The following CNTN5 variants were observed in gnomAD, a reference collection of about 807,000 sequenced individuals.
CNTN5 encodes contactin 5.
In CNTN5, 77 loss-of-function variants were observed where a neutral mutation model predicts 129.1. The ratio of observed to expected loss-of-function variants is 0.60; its 90% CI spans 0.50 to 0.72. CNTN5 has a LOEUF of 0.72. Ranked by LOEUF, CNTN5 falls within the 30% of genes least tolerant of loss-of-function variation. The pLI, the probability that CNTN5 is intolerant of heterozygous loss-of-function variation, is 0.00. For missense variants in CNTN5, 1,478 were observed against 1,328.8 expected (o/e 1.11, Z -1.75); for synonymous variants, 509 against 465.6 (o/e 1.09, Z -1.20).
chr11:99,692,596 G>A (rs925474432), intron 3 of CNTN5, among the ~76,000 whole-genome samples: 4 of 151,984 alleles, frequency 2.6e-5, no homozygotes, highest in Admixed American at 2.6e-4. Context: ...TCCACTGAGA[G>A]GTCCACTGTT....
intron 2 of CNTN5, among the ~76,000 whole-genome samples, chr11:99,515,535 G>A (rs941164130): frequency 1.3e-5 from 2 of 151,892 alleles, no homozygotes; most frequent in South Asian, 4.2e-4. Context: ...TATAATAAGA[G>A]GTAATTATTA....
intron 3 of CNTN5, among the ~76,000 whole-genome samples, chr11:99,735,222 A>AAAAC (rs60172683): frequency 0.67 from 100,933 of 151,562 alleles, 34,642 homozygotes; most frequent in East Asian, 0.93. Context: ...TATCTCCTGA[A>AAAAC]AATCCCAATG....
intron 6 of CNTN5, among the ~76,000 whole-genome samples, chr11:99,889,326 G>GTGTGTGTT (rs1948991635): frequency 3.2e-4 from 6 of 18,914 alleles, no homozygotes; most frequent in African/African-American, 5.7e-4. Context: ...GTGTGTGTGT[G>GTGTGTGTT]TGTGTGTGTG....
intron 3 of CNTN5, among the ~76,000 whole-genome samples, chr11:99,641,811 A>C (rs1191454669): frequency 6.6e-6 from 1 of 151,986 alleles, no homozygotes; most frequent in African/African-American, 2.4e-5. Flanking sequence ...AACTTTTCCA[A>C]CCCTGCTCAA....
At chr11:99,463,844 C>T (rs192025920) in intron 2 of CNTN5, among the ~76,000 whole-genome samples, 3 of 152,212 alleles carry the variant, frequency 2.0e-5, no homozygotes, top group Admixed American at 6.5e-5. Flanking sequence ...TTTATGCTTC[C>T]TCTATTCAGA....
intron 24 of CNTN5, 130 bp downstream of exon 24, chr11:100,351,000 A>G: frequency 1.6e-6 from 1 of 641,032 alleles, no homozygotes; most frequent in East Asian, 2.8e-5. Context: ...TCTGATTTTT[A>G]TATTATCTTC....
intron 1 of CNTN5, among the ~76,000 whole-genome samples, chr11:99,307,429 A>C (rs1414279067): frequency 6.6e-6 from 1 of 152,212 alleles, no homozygotes; most frequent in Non-Finnish European, 1.5e-5. Flanking sequence ...CCTGGTGAAC[A>C]GTCTAAAGAA....
intron 1 of CNTN5, among the ~76,000 whole-genome samples, chr11:99,309,094 T>A (rs538863301): frequency 1.3e-5 from 2 of 152,156 alleles, no homozygotes; most frequent in Non-Finnish European, 2.9e-5. Flanking sequence ...TGAAATTATT[T>A]TCTGCTAACT....
intron 1 of CNTN5, among the ~76,000 whole-genome samples, chr11:99,042,403 C>T (rs1344156542): frequency 1.8e-5 from 2 of 110,134 alleles, no homozygotes; most frequent in Non-Finnish European, 3.4e-5. Context: ...GAGACAGAGT[C>T]TCTCTCTGTC....
At chr11:99,555,730 C>T (rs770541183) in intron 2 of CNTN5, among the ~76,000 whole-genome samples, 1 of 151,758 alleles carries the variant, frequency 6.6e-6, no homozygotes, top group African/African-American at 2.4e-5. Context: ...ATCACTTGGC[C>T]AACCGATCAT....
intron 2 of CNTN5, among the ~76,000 whole-genome samples, chr11:99,348,639 A>C (rs924287994): frequency 5.9e-5 from 9 of 152,174 alleles, no homozygotes; most frequent in African/African-American, 2.2e-4. Context: ...GATCCTTCAG[A>C]TCCATCTACC....
intron 3 of CNTN5, among the ~76,000 whole-genome samples, chr11:99,576,140 C>T (rs531061031): frequency 2.2e-4 from 33 of 152,222 alleles, no homozygotes; most frequent in Middle Eastern, 6.8e-3. Flanking sequence ...CCACAGGTTC[C>T]GAAGCACCAC....
chr11:99,390,127 A>T (rs1427775978), intron 2 of CNTN5, among the ~76,000 whole-genome samples: 1 of 112,750 alleles, frequency 8.9e-6, no homozygotes, highest in Non-Finnish European at 1.9e-5. Context: ...AAAATAAAAT[A>T]AGCCTTTTTT....
chr11:99,595,759 C>CAT (rs34266877), intron 3 of CNTN5, among the ~76,000 whole-genome samples: 97,143 of 149,398 alleles, frequency 0.65, 31,404 homozygotes, highest in East Asian at 0.77. Context: ...CTCCTTCTGC[C>CAT]ATATATATAT....
chr11:100,007,518 T>G (rs1940270025), intron 9 of CNTN5, among the ~76,000 whole-genome samples: 1 of 152,138 alleles, frequency 6.6e-6, no homozygotes, highest in South Asian at 2.1e-4. Flanking sequence ...CACTTTAATG[T>G]TATAAAGATA....
intron 8 of CNTN5, among the ~76,000 whole-genome samples, chr11:99,971,108 T>C (rs1010374442): frequency 1.3e-5 from 2 of 152,362 alleles, no homozygotes; most frequent in Non-Finnish European, 2.9e-5. Flanking sequence ...GAAATTCATC[T>C]GCCACTTTCA....
chr11:99,649,815 A>T (rs1198325491), intron 3 of CNTN5, among the ~76,000 whole-genome samples: 1 of 151,758 alleles, frequency 6.6e-6, no homozygotes, highest in Non-Finnish European at 1.5e-5. Flanking sequence ...GGCTCTGTTT[A>T]CTCAAGGTTA....
At chr11:99,479,142 G>A (rs1459436695) in intron 2 of CNTN5, among the ~76,000 whole-genome samples, 3 of 151,614 alleles carry the variant, frequency 2.0e-5, no homozygotes, top group African/African-American at 7.3e-5. Context: ...AAATCAACTG[G>A]TCATCCTCTT....
At chr11:99,804,690 AG>A (rs1946216557) in intron 3 of CNTN5, among the ~76,000 whole-genome samples, 1 of 151,578 alleles carries the variant, frequency 6.6e-6, no homozygotes, top group African/African-American at 2.4e-5. Flanking sequence ...TTAATATGGA[AG>A]GAATAGAATA....
Sources: gnomAD v4.1 joint callset for allele counts (sites outside exome capture counted in the v4.1 genomes callset) on GRCh38, gnomAD v4.1.1 for gene constraint, MANE v1.5 for transcripts, NCBI Gene and HGNC (gene_info 2026-07-23, HGNC 2026-07-21) for gene names.